PPM1E: variants seen among roughly 807,000 people sequenced by gnomAD.
PPM1E encodes protein phosphatase 1E.
A neutral mutation model predicts 65.9 loss-of-function variants in PPM1E; 20 were observed. The observed-to-expected ratio is 0.30, with a 90% CI of 0.21 to 0.44. PPM1E has a LOEUF of 0.44. Among genes scored for constraint, PPM1E ranks in the 20% least tolerant of loss-of-function variants. The pLI, the probability that PPM1E is intolerant of heterozygous loss-of-function variation, is 1.00. For synonymous variants in PPM1E, 352 were observed against 374.9 expected (o/e 0.94, Z 0.70); for missense variants, 713 against 953.1 (o/e 0.75, Z 3.32).
At chr17:58,883,668 G>T (rs1025018176) in intron 1 of PPM1E, among the ~76,000 whole-genome samples, 1 of 151,180 alleles carries the variant, frequency 6.6e-6, no homozygotes, top group Non-Finnish European at 1.5e-5. Context: ...GTGTTTTTTA[G>T]TAGAGACGGG....
intron 1 of PPM1E, among the ~76,000 whole-genome samples, chr17:58,850,370 A>C (rs1244043406): frequency 2.0e-5 from 3 of 152,162 alleles, no homozygotes; most frequent in African/African-American, 7.2e-5. Flanking sequence ...TCTTCCTCGC[A>C]TCGATGGTCT....
rs1191638796 is a variant in PPM1E at position 58,938,942 on chromosome 17, C to T, written c.465-16707C>T. 3.3e-5 allele frequency among the ~76,000 whole-genome samples: 5 copies of T among 152,006 alleles called. No homozygotes were observed. In the East Asian group the frequency reaches 9.6e-4, roughly 29 times the overall value. ...TAGCTGGGATTACAAGTGCCCACCACCACGCCCAGCTAATTTTTTGTATTT... is the reference window on the plus strand; with the variant it reads ...TAGCTGGGATTACAAGTGCCCACCATCACGCCCAGCTAATTTTTTGTATTT... On this transcript the variant is annotated intron_variant, in intron 1 of 6. Transcript: ENST00000308249.
At chr17:58,874,860 TTTTTA>T (rs1191721097) in intron 1 of PPM1E, among the ~76,000 whole-genome samples, 3 of 152,258 alleles carry the variant, frequency 2.0e-5, no homozygotes, top group South Asian at 4.1e-4. Context: ...TTAAATTAAA[TTTTTA>T]TTTTGAGAAA....
intron 6 of PPM1E, among the ~76,000 whole-genome samples, chr17:58,979,021 T>C (rs943268943): frequency 1.2e-4 from 19 of 152,152 alleles, no homozygotes; most frequent in Admixed American, 2.6e-4. Flanking sequence ...GTTCCCTCAA[T>C]TGAGGCAACT....
intron 1 of PPM1E, among the ~76,000 whole-genome samples, chr17:58,944,524 C>A (rs2052119761): frequency 6.6e-6 from 1 of 152,104 alleles, no homozygotes; most frequent in South Asian, 2.1e-4. Context: ...TACCACTACT[C>A]TCTGCTTCTA....
intron 1 of PPM1E, among the ~76,000 whole-genome samples, chr17:58,758,185 GTT>G (rs896804074): frequency 6.9e-6 from 1 of 145,200 alleles, no homozygotes; most frequent in Admixed American, 6.9e-5. Context: ...ATGTAAGAAG[GTT>G]TTTTTTTTTT....
intron 1 of PPM1E, among the ~76,000 whole-genome samples, chr17:58,888,545 G>A (rs1360626135): frequency 4.6e-5 from 7 of 151,800 alleles, no homozygotes; most frequent in Non-Finnish European, 7.4e-5. Flanking sequence ...TGTATTTTTA[G>A]TAGAGACGGG....
chr17:58,779,738 T>C (rs2050033495), intron 1 of PPM1E, among the ~76,000 whole-genome samples: 1 of 152,240 alleles, frequency 6.6e-6, no homozygotes, highest in African/African-American at 2.4e-5. Context: ...AGTGCTAAAA[T>C]GTAAGTCTTC....
At chr17:58,775,920 CAAAAAAAAAA>C (rs1158158641) in intron 1 of PPM1E, among the ~76,000 whole-genome samples, 8 of 52,496 alleles carry the variant, frequency 1.5e-4, no homozygotes, top group South Asian at 2.6e-3. Context: ...GACTCCGTCT[CAAAAAAAAAA>C]AAAAAAAAAA....
At chr17:58,825,240 A>G (rs867087640) in intron 1 of PPM1E, among the ~76,000 whole-genome samples, 1 of 148,010 alleles carries the variant, frequency 6.8e-6, no homozygotes, top group Non-Finnish European at 1.5e-5. Flanking sequence ...ACACACACAC[A>G]CACACACACA....
intron 6 of PPM1E, among the ~76,000 whole-genome samples, chr17:58,979,548 A>G (rs997729844): frequency 6.6e-6 from 1 of 152,252 alleles, no homozygotes; most frequent in African/African-American, 2.4e-5. Context: ...GCTTCTTTCA[A>G]TGTGGGCTTG....
At chr17:58,864,268 C>T (rs1055975060) in intron 1 of PPM1E, among the ~76,000 whole-genome samples, 1 of 152,144 alleles carries the variant, frequency 6.6e-6, no homozygotes, top group African/African-American at 2.4e-5. Context: ...CAAGTTCTAA[C>T]TAATGCTATT....
At chr17:58,909,444 G>A (rs1413205193) in intron 1 of PPM1E, among the ~76,000 whole-genome samples, 1 of 152,146 alleles carries the variant, frequency 6.6e-6, no homozygotes, top group Non-Finnish European at 1.5e-5. Flanking sequence ...TTTTTGTAGA[G>A]ACAGGCTCTT....
intron 1 of PPM1E, among the ~76,000 whole-genome samples, chr17:58,803,104 G>C (rs1200390361): frequency 6.6e-6 from 1 of 151,894 alleles, no homozygotes; most frequent in Non-Finnish European, 1.5e-5. Context: ...TTCTAGTTTT[G>C]TACTATGTTG....
At chr17:58,855,434 G>A (rs2050871865) in intron 1 of PPM1E, among the ~76,000 whole-genome samples, 4 of 152,114 alleles carry the variant, frequency 2.6e-5, no homozygotes, top group Admixed American at 2.6e-4. Context: ...CCTAATCATA[G>A]GACTGTAGAA....
At chr17:58,773,413 T>TA (rs2049959846) in intron 1 of PPM1E, among the ~76,000 whole-genome samples, 1 of 152,166 alleles carries the variant, frequency 6.6e-6, no homozygotes, top group African/African-American at 2.4e-5. Flanking sequence ...TTTCCATCCT[T>TA]ACAGTCTAAA....
At chr17:58,774,325 A>T (rs1598562215) in intron 1 of PPM1E, among the ~76,000 whole-genome samples, 2 of 152,294 alleles carry the variant, frequency 1.3e-5, no homozygotes, top group East Asian at 3.9e-4. Context: ...GTGGAGTATA[A>T]AATATAAGAA....
intron 1 of PPM1E, among the ~76,000 whole-genome samples, chr17:58,908,520 A>G (rs544081792): frequency 1.6e-4 from 25 of 151,764 alleles, no homozygotes; most frequent in African/African-American, 5.6e-4. Context: ...GCTCACTGCA[A>G]ACTCTGTGTC....
chr17:58,956,990 C>G (rs1360766862), intron 2 of PPM1E, among the ~76,000 whole-genome samples: 1 of 152,142 alleles, frequency 6.6e-6, no homozygotes, highest in African/African-American at 2.4e-5. Flanking sequence ...GTAACTGATT[C>G]ACCTAGAACC....
Sources: gnomAD v4.1 joint callset for allele counts (sites outside exome capture counted in the v4.1 genomes callset) on GRCh38, gnomAD v4.1.1 for gene constraint, MANE v1.5 for transcripts, NCBI Gene and HGNC (gene_info 2026-07-23, HGNC 2026-07-21) for gene names.